DUOX2: variants seen among roughly 807,000 people sequenced by gnomAD.
DUOX2 encodes the protein NADH/NADPH thyroid oxidase p138-tox.
Under a neutral mutation model 183.3 loss-of-function variants are expected in DUOX2, and 185 were observed. The ratio of observed to expected loss-of-function variants is 1.01; its 90% CI spans 0.90 to 1.14. The LOEUF (loss-of-function observed/expected upper bound fraction) is 1.14. Ranked by LOEUF, DUOX2 falls within the 50% of genes most tolerant of loss-of-function variation. The pLI is 0.00. For missense variants in DUOX2, 1,999 were observed against 2,022.9 expected, an observed-to-expected ratio of 0.99 and a Z score of 0.23; for synonymous variants, 788 against 812.4, an observed-to-expected ratio of 0.97 and a Z score of 0.51.
chr15:45,106,757 C>G (rs1278425741), intron 15 of DUOX2, 75 bp downstream of exon 15: 1 of 1,603,796 alleles, frequency 6.2e-7, no homozygotes, highest in Non-Finnish European at 8.5e-7. Flanking sequence ...CAAACGGTAC[C>G]AAATAGCCAG....
At position 45,095,007 on chromosome 15, in the gene DUOX2, G is replaced by A. The variant is rs1893863981; in HGVS notation, c.4324C>T (p.Gln1442Ter). 1.2e-6 allele frequency: 2 copies of A among 1,614,062 alleles called. No individual in the cohort carries two copies. Among genetic ancestry groups the A allele is most frequent in the African/African-American group, 2.7e-5 (2 of 74,920 alleles). ...IIQEVEENDHQDLVSVHIYVT... is the reference protein window; with the variant it reads ...IIQEVEENDH ...TAAATGTGCACAGACACCAGGTCCT[G>A]GTGGTCGTTCTCCTCCACCTCTTGG... is the stretch of plus-strand genomic sequence containing the variant. The change falls in exon 32 of 34, where the codon CAG becomes TAG. Residue 1442 changes from glutamine to a stop codon, truncating the protein, a stop_gained. Coordinates refer to ENST00000389039, the MANE Select transcript of DUOX2 (RefSeq NM_001363711.2). LOFTEE classifies it high-confidence loss of function.
chr15:45,108,620 T>A, intron 12 of DUOX2, 169 bp downstream of exon 12: 2 of 767,908 alleles, frequency 2.6e-6, no homozygotes, highest in Non-Finnish European at 4.3e-6. Flanking sequence ...TGAATTTAAG[T>A]CCCTCCTCTA....
chr15:45,112,510 C>G, intron 4 of DUOX2, 44 bp downstream of exon 4: 1 of 1,604,114 alleles, frequency 6.2e-7, no homozygotes, highest in Non-Finnish European at 8.5e-7. Context: ...CCAGGCTGAG[C>G]AGAGCGCCAG....
Position 45,111,888 on chromosome 15 carries a change from G to T in DUOX2, c.393C>A (p.Ile131=). 6.2e-7 allele frequency: 1 copy of T among 1,613,934 alleles called. No homozygotes were observed. The highest frequency in any genetic ancestry group is 2.2e-5 in the East Asian group (1 of 44,882). The change falls in exon 5 of 34, where the codon ATC becomes ATA. Residue 131 remains isoleucine, a synonymous_variant. Coordinates refer to ENST00000389039, the MANE Select transcript of DUOX2 (RefSeq NM_001363711.2). ...ACACGGGGTCTCCAGGTGGGATGCG[G>T]ATGTTGAGGAACTCGGCGGGGCAAC... is the stretch of plus-strand genomic sequence containing the variant. ...TPGCPAEFLN[I]RIPPGDPVFD...
Position 45,101,919 on chromosome 15 carries a change from G to A in DUOX2, c.2725C>T (p.Arg909Trp), listed in dbSNP as rs150698607. Reference protein sequence around the residue: ...QLAEVVESMFRESGFQDKEEL... With the variant: ...QLAEVVESMFWESGFQDKEEL... ...TCCTTGTCCTGGAATCCCGACTCCCGGAACATAGACTCCACCACCTCGGCC... is the reference window on the plus strand; with the variant it reads ...TCCTTGTCCTGGAATCCCGACTCCCAGAACATAGACTCCACCACCTCGGCC... The change falls in exon 21 of 34, where the codon CGG becomes TGG. Residue 909 changes from arginine to tryptophan, a missense_variant. Arg to Trp is a moderately radical substitution (Grantham distance 101). Around this residue, in one of 3 missense-constraint regions of DUOX2, gnomAD observed 1,628 missense variants for 1,608.6 expected, o/e 1.01. Coordinates refer to ENST00000389039, the MANE Select transcript of DUOX2 (RefSeq NM_001363711.2). The A allele has an allele frequency of 5.0e-5, 81 of 1,614,188 alleles. No homozygotes were observed. The African/African-American group carries it at 8.3e-4, about 16-fold the overall frequency.
intron 24 of DUOX2, 29 bp downstream of exon 24, chr15:45,100,021 A>G (rs777835880): frequency 6.2e-7 from 1 of 1,614,076 alleles, no homozygotes; most frequent in Non-Finnish European, 8.5e-7. Context: ...CCTGCTCCCT[A>G]CCCACTGCCC....
intron 20 of DUOX2, among the ~76,000 whole-genome samples, chr15:45,102,642 C>T (rs946025461): frequency 7.2e-5 from 11 of 152,122 alleles, no homozygotes; most frequent in Non-Finnish European, 1.2e-4. Context: ...TTAAAAACAT[C>T]GTCCCACCGA....
Position 45,094,030 on chromosome 15 carries a change from G to T in DUOX2, c.*120C>A. 2 of 1,361,232 alleles carry T rather than the reference G, an allele frequency of 1.5e-6. No individual in the cohort carries two copies. Among genetic ancestry groups the T allele is most frequent in the Non-Finnish European group, 2.1e-6 (2 of 955,278 alleles). 84.3% of individuals were successfully genotyped at this position (1,361,232 alleles called of 1,614,324 possible). On this transcript the variant is annotated 3_prime_UTR_variant, in exon 34 of 34. Transcript: ENST00000389039. ...TTCTCCCAATATTGGGAGGGGCTCTGCAGCCCTCCAGCTGAGGCCTAAGGT... is the reference window on the plus strand; with the variant it reads ...TTCTCCCAATATTGGGAGGGGCTCTTCAGCCCTCCAGCTGAGGCCTAAGGT...
At chr15:45,107,896 G>T in intron 13 of DUOX2, 151 bp downstream of exon 13, 1 of 612,512 alleles carries the variant, frequency 1.6e-6, no homozygotes, top group Non-Finnish European at 2.8e-6. Context: ...AAAAAGAGAA[G>T]AGAAGAAAAA....
Position 45,106,197 on chromosome 15 carries a change from C to G in DUOX2, c.2076G>C (p.Gln692His). ...LRVVQLQPLQ[Q>H]VNLILSNNRG... ...GGTTGTTGGACAGGATGAGGTTGAC[C>G]TGCTGCAGAGGCTGCAGCTGGACCA... Residue 692 changes from glutamine (Q) to histidine (H), a missense_variant, in exon 17 of 34, where the codon CAG becomes CAC. Coordinates refer to ENST00000389039, the MANE Select transcript of DUOX2 (RefSeq NM_001363711.2). 6.2e-7 allele frequency: 1 copy of G among 1,614,200 alleles called. No individual in the cohort carries two copies. Among genetic ancestry groups the G allele is most frequent in the Non-Finnish European group, 8.5e-7 (1 of 1,180,040 alleles).
In DUOX2 at chr15:45,103,716, G is replaced by A. The variant is rs1345796950; in HGVS notation, c.2654+244C>T. Among the ~76,000 whole-genome samples the A allele has an allele frequency of 3.3e-5, 5 of 150,036 alleles. No individual in the cohort carries two copies. The East Asian group carries it at 7.7e-4, about 23-fold the overall frequency. ...TATTGGTGTTGGGTTTTTTTTTTTC[G>A]TTTTTTAACTAGGGAGGCTTTTCTG... On this transcript the variant is annotated intron_variant, in intron 20 of 33. Coordinates refer to ENST00000389039, the MANE Select transcript of DUOX2 (RefSeq NM_001363711.2).
Position 45,108,113 on chromosome 15 carries a change from A to G in DUOX2, c.1508T>C (p.Ile503Thr), listed in dbSNP as rs2141153639. The G allele has an allele frequency of 6.2e-7, 1 of 1,614,134 alleles. No individual in the cohort carries two copies. Among genetic ancestry groups the G allele is most frequent in the Non-Finnish European group, 8.5e-7 (1 of 1,180,016 alleles). Reference protein sequence around the residue: ...HGDPGPLFSAIVLDQFVRLRD... With the variant: ...HGDPGPLFSATVLDQFVRLRD... ...CAGCCGTACAAACTGGTCGAGGACA[A>G]TGGCACTGAACAGGGGTCCAGGGTC... Residue 503 changes from isoleucine (I) to threonine (T), a missense_variant, in exon 13 of 34, where the codon ATT becomes ACT. Coordinates refer to ENST00000389039, the MANE Select transcript of DUOX2 (RefSeq NM_001363711.2).
intron 9 of DUOX2, 71 bp from the exon 10 acceptor site, chr15:45,110,051 G>A: frequency 2.2e-6 from 3 of 1,356,916 alleles, no homozygotes; most frequent in Non-Finnish European, 3.2e-6. Context: ...AGTGGGCTGA[G>A]GGACTCAGTG....
In DUOX2 at chr15:45,097,294, C is replaced by T; in HGVS notation, c.3791G>A (p.Ser1264Asn). ...AIIYGGDKLV[S>N]LSRKKVEISV... is the part of the protein sequence containing the mutation. The stretch of plus-strand genomic sequence containing the variant: ...GATCTCCACCTTCTTCCGGCTCAGG[C>T]TCACCAGCTTGTCACCTCCATAGAT... The change falls in exon 29 of 34, where the codon AGC (serine) becomes AAC (asparagine). Residue 1264 changes from serine to asparagine, a missense_variant. By Grantham distance (46) the Ser-to-Asn change is conservative. This residue lies in a region of DUOX2 where 1,628 missense variants were observed against 1,608.6 expected (regional missense o/e 1.01). Coordinates refer to ENST00000389039, the MANE Select transcript of DUOX2 (RefSeq NM_001363711.2). 6.2e-7 allele frequency: 1 copy of T among 1,614,260 alleles called. No individual in the cohort carries two copies. Among genetic ancestry groups the T allele is most frequent in the South Asian group, 1.1e-5 (1 of 91,088 alleles).
chr15:45,105,515 C>G, intron 18 of DUOX2, 128 bp downstream of exon 18: 1 of 1,196,786 alleles, frequency 8.4e-7, no homozygotes, highest in Non-Finnish European at 1.2e-6. Context: ...TGCCAGGATT[C>G]AAACAAGGCT....
Position 45,101,826 on chromosome 15 carries a change from G to A in DUOX2, c.2818C>T (p.Leu940Phe). 6.2e-7 allele frequency: 1 copy of A among 1,614,192 alleles called. No individual in the cohort carries two copies. Among genetic ancestry groups the A allele is most frequent in the Non-Finnish European group, 8.5e-7 (1 of 1,180,040 alleles). ...CCTCCACCTCCACCTTTGACACAGA[G>A]CTGCGTGAAGCGGAGCTCGCTGTCA... ...DHDSELRFTQ[L>F]CVKGGGGGGN... is the part of the protein sequence containing the mutation. The change falls in exon 21 of 34, where the codon CTC (leucine) becomes TTC (phenylalanine). Residue 940 changes from leucine to phenylalanine, a missense_variant. Physicochemically the swap from Leu to Phe is conservative, Grantham distance 22. Around this residue, in one of 3 missense-constraint regions of DUOX2, gnomAD observed 1,628 missense variants for 1,608.6 expected, o/e 1.01. Coordinates refer to ENST00000389039, the MANE Select transcript of DUOX2 (RefSeq NM_001363711.2).
Position 45,094,946 on chromosome 15 carries a change from G to A in DUOX2, c.4385C>T (p.Thr1462Ile), listed in dbSNP as rs1893861577. Residue 1462 changes from threonine (T) to isoleucine (I), a missense_variant, in exon 32 of 34, where the codon ACC becomes ATC. By Grantham distance (89) the Thr-to-Ile change is moderately conservative (BLOSUM62 -1). This residue lies in a region of DUOX2 where 1,628 missense variants were observed against 1,608.6 expected (regional missense o/e 1.01). Coordinates refer to ENST00000389039, the MANE Select transcript of DUOX2 (RefSeq NM_001363711.2). ...CGGGCCCTGACATACTAGCATGGTG[G>A]TCCTGAGGTCGAACTTCTCAGCCAG... ...TQLAEKFDLR[T>I]TMLYICERHF... 6.2e-7 allele frequency: 1 copy of A among 1,614,100 alleles called. No individual in the cohort carries two copies. Among genetic ancestry groups the A allele is most frequent in the Non-Finnish European group, 8.5e-7 (1 of 1,179,994 alleles).
At chr15:45,113,583 C>T (rs1484063804) in intron 1 of DUOX2, 158 bp from the exon 2 acceptor site, 2 of 647,532 alleles carry the variant, frequency 3.1e-6, no homozygotes, top group Admixed American at 4.5e-5. Context: ...CGAGGACCTT[C>T]ATCCAAACGC....
At position 45,111,844 on chromosome 15, in the gene DUOX2, C is replaced by T. The variant is rs139328759; in HGVS notation, c.437G>A (p.Gly146Glu). ...GDPVFDPDQRGDVVLPFQRSR... is the reference protein window; with the variant it reads ...GDPVFDPDQREDVVLPFQRSR... ...CCTCTGGAAGGGCAGCACCACGTCC[C>T]CGCGCTGGTCGGGGTCGAACACGGG... Residue 146 changes from glycine to glutamate, a missense_variant, in exon 5 of 34, where the codon GGG becomes GAG. Gly to Glu is a moderately conservative substitution (Grantham distance 98). This residue lies in a region of DUOX2 where 356 missense variants were observed against 356.4 expected (regional missense o/e 1.00). Coordinates refer to ENST00000389039, the MANE Select transcript of DUOX2 (RefSeq NM_001363711.2). The T allele has an allele frequency of 1.7e-5, 27 of 1,613,342 alleles. No individual in the cohort carries two copies. The highest frequency in any genetic ancestry group is 2.2e-5 in the Non-Finnish European group (26 of 1,179,948).
Sources: allele counts gnomAD v4.1 joint callset (sites outside exome capture counted in the v4.1 genomes callset), GRCh38; gene constraint gnomAD v4.1.1; regional missense constraint gnomAD v4.1.1; transcripts MANE v1.5; gene names NCBI Gene and HGNC (gene_info 2026-07-23, HGNC 2026-07-21).